The following CFAP54 variants were observed in gnomAD, a reference collection of about 807,000 sequenced individuals.
The protein encoded by CFAP54 is cilia and flagella associated protein 54, also known as cilia- and flagella-associated protein 54.
A neutral mutation model predicts 370.4 loss-of-function variants in CFAP54; 290 were observed. That is an observed-to-expected ratio of 0.78 (90% CI 0.71 to 0.86). CFAP54 has a LOEUF of 0.86. CFAP54 is among the 40% of genes least tolerant of loss of function. The probability of loss-of-function intolerance (pLI) is 0.00; values close to 1 mark genes in which losing one functional copy is unlikely to be tolerated. For synonymous variants in CFAP54, 1,206 were observed against 1,236.5 expected (o/e 0.98, Z 0.52); for missense variants, 3,399 against 3,528.7 (o/e 0.96, Z 0.93).
chr12:96,662,743 C>T (rs963302666), intron 38 of CFAP54, among the ~76,000 whole-genome samples: 2 of 152,092 alleles, frequency 1.3e-5, no homozygotes, highest in African/African-American at 4.8e-5. Flanking sequence ...GCTGTTCCTG[C>T]CTCAGGGTCT....
chr12:96,684,467 G>A (rs1957303037), intron 40 of CFAP54, among the ~76,000 whole-genome samples, 181 bp from the exon 41 acceptor site: 1 of 152,138 alleles, frequency 6.6e-6, no homozygotes, highest in Admixed American at 6.6e-5. Flanking sequence ...TAATCAAACA[G>A]AACGTTTGCT....
chr12:96,573,970 A>G (rs984752015), intron 19 of CFAP54, among the ~76,000 whole-genome samples: 9 of 152,238 alleles, frequency 5.9e-5, no homozygotes, highest in Non-Finnish European at 1.0e-4. Context: ...ACTATTCATC[A>G]TCGTGGATAC....
At position 96,519,612 on chromosome 12, in the gene CFAP54, T is replaced by C. The variant is rs532153376; in HGVS notation, c.942+541T>C. 5.3e-5 allele frequency among the ~76,000 whole-genome samples: 8 copies of C among 152,328 alleles called. No individual in the cohort carries two copies. The South Asian group carries it at 1.5e-3, about 28-fold the overall frequency. ...TCATTTTCACCTTCTTTGCTCCATT[T>C]CTGAGTAAGATTTTTGGAATTTTAA... On this transcript the variant is annotated intron_variant, in intron 6 of 67. Transcript: ENST00000524981.
At chr12:96,677,962 A>C (rs149059828) in intron 39 of CFAP54, among the ~76,000 whole-genome samples, 1 of 152,144 alleles carries the variant, frequency 6.6e-6, no homozygotes, top group African/African-American at 2.4e-5. Flanking sequence ...GCTCATTCCC[A>C]TCCTATTCTC....
intron 67 of CFAP54, among the ~76,000 whole-genome samples, chr12:96,865,908 A>G (rs747498763): frequency 2.0e-5 from 3 of 152,164 alleles, no homozygotes; most frequent in Non-Finnish European, 4.4e-5. Context: ...AACTCAATCT[A>G]TGAAACTATT....
At chr12:96,641,831 A>G (rs995135813) in intron 32 of CFAP54, among the ~76,000 whole-genome samples, 2 of 152,126 alleles carry the variant, frequency 1.3e-5, no homozygotes, top group African/African-American at 4.8e-5. Context: ...CACAAGGACA[A>G]AAAACCAAAC....
intron 1 of CFAP54, among the ~76,000 whole-genome samples, chr12:96,490,255 G>A (rs567496239): frequency 2.6e-5 from 4 of 152,334 alleles, no homozygotes; most frequent in Non-Finnish European, 4.4e-5. Flanking sequence ...TTCGCAGTTT[G>A]CAGTAATAAC....
chr12:96,871,559 A>G (rs896751903), intron 67 of CFAP54, among the ~76,000 whole-genome samples: 2 of 152,248 alleles, frequency 1.3e-5, no homozygotes, highest in African/African-American at 4.8e-5. Context: ...AATCTAGGAA[A>G]AAAACAGTCA....
At chr12:96,647,632 C>T (rs1057047328) in intron 33 of CFAP54, among the ~76,000 whole-genome samples, 75 of 151,922 alleles carry the variant, frequency 4.9e-4, no homozygotes, top group African/African-American at 1.6e-3. Flanking sequence ...TTTTTATTCC[C>T]ATTTTCAAGA....
At chr12:96,554,612 T>C in intron 16 of CFAP54, 64 bp from the exon 17 acceptor site, 2 of 1,388,998 alleles carry the variant, frequency 1.4e-6, no homozygotes, top group Non-Finnish European at 1.9e-6. Context: ...GATAATAGTA[T>C]ACAGCTATTT....
rs533324362 is a variant in CFAP54, at chr12:96,694,501, A to ATG, written c.6351+693_6351+694insTG. On this transcript the variant is annotated intron_variant, in intron 45 of 67. Transcript: ENST00000524981. ...TTTTATATCTTACGCACACACACAC[A>ATG]CGCGCACACACACACACACAACATA... Among the ~76,000 whole-genome samples the ATG allele has an allele frequency of 2.3e-4, 35 of 151,426 alleles. No homozygotes were observed. The East Asian group carries it at 4.2e-3, about 18-fold the overall frequency.
At chr12:96,496,502 A>C (rs1208339955) in intron 1 of CFAP54, among the ~76,000 whole-genome samples, 1 of 152,252 alleles carries the variant, frequency 6.6e-6, no homozygotes, top group Non-Finnish European at 1.5e-5. Context: ...TTTGTCCTCA[A>C]GCATGGAGAC....
chr12:96,746,601 A>G (rs1415999298), intron 55 of CFAP54, among the ~76,000 whole-genome samples: 2 of 151,718 alleles, frequency 1.3e-5, no homozygotes, highest in East Asian at 1.9e-4. Flanking sequence ...TTACCTTTCT[A>G]TTTCCCTAGT....
At chr12:96,704,497 T>A (rs1957527113) in intron 46 of CFAP54, among the ~76,000 whole-genome samples, 1 of 99,362 alleles carries the variant, frequency 1.0e-5, no homozygotes, top group Non-Finnish European at 2.1e-5. Context: ...TATATATATA[T>A]ATATTTAAAA....
intron 17 of CFAP54, among the ~76,000 whole-genome samples, chr12:96,558,092 T>C (rs955974182): frequency 1.3e-5 from 2 of 152,174 alleles, no homozygotes; most frequent in African/African-American, 4.8e-5. Flanking sequence ...TAGGTAGATG[T>C]AAGTTACTGC....
intron 5 of CFAP54, among the ~76,000 whole-genome samples, chr12:96,513,548 C>G (rs1202454012): frequency 6.6e-6 from 1 of 152,156 alleles, no homozygotes; most frequent in African/African-American, 2.4e-5. Flanking sequence ...TGAGACCAGC[C>G]TGGCCAACAT....
intron 60 of CFAP54, among the ~76,000 whole-genome samples, chr12:96,768,700 CAAAA>C (rs1349861067): frequency 6.6e-6 from 1 of 151,918 alleles, no homozygotes; most frequent in African/African-American, 2.4e-5. Context: ...AAAACAAAAA[CAAAA>C]ACAAACAAAA....
chr12:96,495,258 TTCC>T (rs1565873802), intron 1 of CFAP54, among the ~76,000 whole-genome samples: 6 of 59,312 alleles, frequency 1.0e-4, no homozygotes, highest in African/African-American at 2.9e-4. Flanking sequence ...CCTTCCTTCC[TTCC>T]TTCCTTCCTT....
At chr12:96,615,920 G>A (rs1956411680) in intron 26 of CFAP54, among the ~76,000 whole-genome samples, 1 of 152,230 alleles carries the variant, frequency 6.6e-6, no homozygotes, top group Admixed American at 6.5e-5. Context: ...TGGTGGGACT[G>A]TAAACTAGTT....
Sources: gnomAD v4.1 joint callset for allele counts (sites outside exome capture counted in the v4.1 genomes callset) on GRCh38, gnomAD v4.1.1 for gene constraint, MANE v1.5 for transcripts, NCBI Gene and HGNC (gene_info 2026-07-23, HGNC 2026-07-21) for gene names.